The following COL13A1 variants were observed in gnomAD, a reference collection of about 807,000 sequenced individuals.
The protein encoded by COL13A1 is collagen alpha-1(XIII) chain.
In COL13A1, 89 loss-of-function variants were observed where a neutral mutation model predicts 130.9. The observed-to-expected ratio is 0.68, with a 90% CI of 0.57 to 0.81. The LOEUF (loss-of-function observed/expected upper bound fraction) is 0.81, where lower values mean the gene tolerates loss of function less well. Ranked by LOEUF, COL13A1 falls within the 30% of genes least tolerant of loss-of-function variation. The pLI, the probability that COL13A1 is intolerant of heterozygous loss-of-function variation, is 0.00. For synonymous variants in COL13A1, 402 were observed against 341.6 expected, an observed-to-expected ratio of 1.18 and a Z score of -1.95; for missense variants, 879 against 934.6, an observed-to-expected ratio of 0.94 and a Z score of 0.78.
At chr10:69,857,440 T>C (rs932378205) in intron 2 of COL13A1, among the ~76,000 whole-genome samples, 3 of 152,188 alleles carry the variant, frequency 2.0e-5, no homozygotes, top group Non-Finnish European at 4.4e-5. Flanking sequence ...CGAAGTGTCC[T>C]CTGAATTGAC....
intron 1 of COL13A1, among the ~76,000 whole-genome samples, chr10:69,809,402 C>T (rs374608564): frequency 3.2e-4 from 48 of 152,232 alleles, no homozygotes; most frequent in Non-Finnish European, 2.5e-4. Flanking sequence ...GTACCAGGGA[C>T]TATTCAAAGA....
Position 69,875,131 on chromosome 10 carries a change from G to A in COL13A1, c.403G>A (p.Asp135Asn), listed in dbSNP as rs1475613419. The change falls in exon 5 of 41, where the codon GAC becomes AAC. Residue 135 changes from aspartate to asparagine, a missense_variant. This residue lies in a region of COL13A1 where 715 missense variants were observed against 721.0 expected (regional missense o/e 0.99). Coordinates refer to ENST00000645393, the MANE Select transcript of COL13A1 (RefSeq NM_001368882.1). ...GPTGRPGLPG[D>N]KGAIGMPGRV... ...TTTCTGCCTCCTTCATCATCAGGGGGACAAAGGTGCCATTGGGATGCCTGG... is the reference window on the plus strand; with the variant it reads ...TTTCTGCCTCCTTCATCATCAGGGGAACAAAGGTGCCATTGGGATGCCTGG... 6.2e-7 allele frequency: 1 copy of A among 1,613,962 alleles called. No individual in the cohort carries two copies. Among genetic ancestry groups the A allele is most frequent in the African/African-American group, 1.3e-5 (1 of 75,018 alleles).
At chr10:69,804,744 C>T (rs2704503) in intron 1 of COL13A1, among the ~76,000 whole-genome samples, 30,926 of 137,252 alleles carry the variant, frequency 0.23, 3,593 homozygotes, top group Middle Eastern at 0.29. Flanking sequence ...CACTTTTGCC[C>T]TCCTAAACTT....
At chr10:69,923,999 T>C in intron 24 of COL13A1, 144 bp downstream of exon 24, 1 of 1,193,778 alleles carries the variant, frequency 8.4e-7, no homozygotes. Flanking sequence ...CTGGTTGGCT[T>C]GGGCTTTAGA....
At chr10:69,836,855 T>A (rs4746916) in intron 2 of COL13A1, among the ~76,000 whole-genome samples, 45,679 of 151,946 alleles carry the variant, frequency 0.3, 7,359 homozygotes, top group African/African-American at 0.4. Flanking sequence ...AGGAAATGCC[T>A]GCCACAGAAA....
At chr10:69,836,306 C>T (rs1456057792) in intron 2 of COL13A1, among the ~76,000 whole-genome samples, 1 of 152,076 alleles carries the variant, frequency 6.6e-6, no homozygotes, top group Non-Finnish European at 1.5e-5. Flanking sequence ...CTCCAGGATT[C>T]CAGCCCTGGG....
Position 69,822,429 on chromosome 10 carries a change from T to G in COL13A1, c.355T>G (p.Cys119Gly), listed in dbSNP as rs771813584. The stretch of plus-strand genomic sequence containing the variant: ...CCCAAAGACATCTCCAGGATGTAAC[T>G]GCCCACCAGGTAAGCAGCCCTGCAA... ...EAPKTSPGCNCPPGPPGPTGR... is the reference protein window; with the variant it reads ...EAPKTSPGCNGPPGPPGPTGR... Residue 119 changes from cysteine (C) to glycine (G), a missense_variant, in exon 2 of 41, where the codon TGC becomes GGC. By Grantham distance (159) the Cys-to-Gly change is radical (BLOSUM62 -3). Around this residue, in one of 3 missense-constraint regions of COL13A1, gnomAD observed 715 missense variants for 721.0 expected, o/e 0.99. Coordinates refer to ENST00000645393, the MANE Select transcript of COL13A1 (RefSeq NM_001368882.1). 1 of 1,592,286 alleles carries G rather than the reference T, an allele frequency of 6.3e-7. No homozygotes were observed. Among genetic ancestry groups the G allele is most frequent in the Admixed American group, 1.7e-5 (1 of 57,286 alleles).
intron 21 of COL13A1, among the ~76,000 whole-genome samples, chr10:69,920,127 C>A (rs1035154010): frequency 1.1e-4 from 16 of 152,224 alleles, no homozygotes; most frequent in Non-Finnish European, 2.1e-4. Context: ...TGGCCCTCCA[C>A]AACCCCTCTT....
chr10:69,874,979 A>G (rs1589225471), intron 4 of COL13A1, 149 bp from the exon 5 acceptor site: 1 of 842,464 alleles, frequency 1.2e-6, no homozygotes, highest in East Asian at 2.6e-5. Flanking sequence ...GTGTACCTAC[A>G]TGATGCTTGG....
intron 17 of COL13A1, among the ~76,000 whole-genome samples, chr10:69,908,365 CG>C (rs2063011411): frequency 6.6e-6 from 1 of 152,156 alleles, no homozygotes; most frequent in South Asian, 2.1e-4. Context: ...AATCAGCCCC[CG>C]CAGTTGCCTC....
intron 9 of COL13A1, 69 bp from the exon 10 acceptor site, chr10:69,889,330 GGGCAGGGAGGAGCAT>G (rs2060931173): frequency 9.2e-6 from 14 of 1,526,698 alleles, no homozygotes; most frequent in South Asian, 3.6e-5. Context: ...GGAGCACAGG[GGGCAGGGAGGAGCAT>G]GAAGGACAGA....
chr10:69,888,435 A>T, intron 9 of COL13A1, 105 bp downstream of exon 9: 2 of 1,485,112 alleles, frequency 1.3e-6, no homozygotes, highest in Non-Finnish European at 1.8e-6. Context: ...TTAGAAAGAA[A>T]AGTCCTGGGG....
intron 15 of COL13A1, 24 bp from the exon 16 acceptor site, chr10:69,904,905 CTTTT>C (rs60054259): frequency 3.1e-3 from 4,465 of 1,429,206 alleles, no homozygotes; most frequent in South Asian, 7.1e-3. Flanking sequence ...TTTCTTTTTT[CTTTT>C]TTTTTTTTTT....
In COL13A1 at chr10:69,946,178, AAGAGGC is replaced by A. The variant is rs543473738; in HGVS notation, c.2022+456_2022+461del. Among the ~76,000 whole-genome samples, 126 of 151,966 alleles carry A rather than the reference AAGAGGC, an allele frequency of 8.3e-4. 1 individual carries two copies. Among genetic ancestry groups the A allele is most frequent in the African/African-American group, 2.7e-3 (112 of 41,440 alleles). On this transcript the variant is annotated intron_variant, in intron 37 of 40. Coordinates refer to ENST00000645393, the MANE Select transcript of COL13A1 (RefSeq NM_001368882.1). ...CATTTCCATGACAGACAAAGCTGCCAAGAGGCAACTGGTGATAGGCTAGCATGCCCT... is the reference window on the plus strand; with the variant it reads ...CATTTCCATGACAGACAAAGCTGCCAAACTGGTGATAGGCTAGCATGCCCT...
At position 69,936,761 on chromosome 10, in the gene COL13A1, C is replaced by G; in HGVS notation, c.1776C>G (p.Leu592=). ...TTGCTTTATTCCAAATGCAGGGGCT[C>G]CAAGGTGTTCCTGGACCAAAGGTAA... The part of the protein sequence containing the change: ...GPEGPPGPPG[L]QGVPGPKGEA... The change falls in exon 33 of 41, where the codon CTC becomes CTG. Residue 592 remains leucine, a synonymous_variant. Coordinates refer to ENST00000645393, the MANE Select transcript of COL13A1 (RefSeq NM_001368882.1). 1 of 1,613,862 alleles carries G rather than the reference C, an allele frequency of 6.2e-7. No homozygotes were observed. Among genetic ancestry groups the G allele is most frequent in the Non-Finnish European group, 8.5e-7 (1 of 1,179,836 alleles).
chr10:69,936,113 GAA>G (rs1299206828), intron 32 of COL13A1, among the ~76,000 whole-genome samples: 3 of 57,012 alleles, frequency 5.3e-5, no homozygotes, highest in African/African-American at 2.5e-4. Context: ...AGGAAGGAAG[GAA>G]GGAAGGAAGG....
At position 69,802,566 on chromosome 10, in the gene COL13A1, T is replaced by C; in HGVS notation, c.143T>C (p.Leu48Pro). Residue 48 changes from leucine (L) to proline (P), a missense_variant, in exon 1 of 41, where the codon CTG becomes CCG. Transcript: ENST00000645393. Reference protein sequence around the residue: ...RLPSPGSCGLLTLALCSLALS... With the variant: ...RLPSPGSCGLPTLALCSLALS... Reference sequence around the variant, plus strand: ...CCGAGTCCAGGGTCGTGCGGGCTGCTGACGCTGGCCCTCTGCTCGCTGGCA... The same window carrying C: ...CCGAGTCCAGGGTCGTGCGGGCTGCCGACGCTGGCCCTCTGCTCGCTGGCA... 6.2e-7 allele frequency: 1 copy of C among 1,610,178 alleles called. No homozygotes were observed. The highest frequency in any genetic ancestry group is 1.1e-5 in the South Asian group (1 of 90,894).
chr10:69,845,004 G>A (rs1239426350), intron 2 of COL13A1, among the ~76,000 whole-genome samples: 2 of 152,130 alleles, frequency 1.3e-5, no homozygotes, highest in Non-Finnish European at 2.9e-5. Flanking sequence ...AGGCCAGCAA[G>A]AGAACCATAC....
In COL13A1 at chr10:69,887,441, T is replaced by G. The variant is rs760207241; in HGVS notation, c.514-15T>G. The G allele has an allele frequency of 4.6e-6, 4 of 861,268 alleles. No homozygotes were observed. The highest frequency in any genetic ancestry group is 2.1e-5 in the African/African-American group (1 of 48,550). The allele number at this position is 861,268 out of a possible 1,614,324, so 53.4% of individuals were successfully genotyped here. A position where few individuals can be genotyped will look rare whatever the true frequency, so the allele number is the denominator to read the frequency against. The stretch of plus-strand genomic sequence containing the variant: ...CTTGCTCAATCTCATGTGTCTCTTG[T>G]TTTTTTTTTTTCAGGGTCAACCAGG... On this transcript the variant is annotated splice_polypyrimidine_tract_variant and intron_variant, in intron 7 of 40. Coordinates refer to ENST00000645393, the MANE Select transcript of COL13A1 (RefSeq NM_001368882.1).
Sources: allele counts gnomAD v4.1 joint callset (sites outside exome capture counted in the v4.1 genomes callset), GRCh38; gene constraint gnomAD v4.1.1; regional missense constraint gnomAD v4.1.1; transcripts MANE v1.5; gene names NCBI Gene and HGNC (gene_info 2026-07-23, HGNC 2026-07-21).